The following SPAG16 variants were observed in gnomAD, a reference collection of about 807,000 sequenced individuals.
SPAG16 encodes sperm-associated antigen 16 protein.
In SPAG16, 86 loss-of-function variants were observed where a neutral mutation model predicts 80.4. The ratio of observed to expected loss-of-function variants is 1.07; its 90% confidence interval spans 0.90 to 1.28. The LOEUF (loss-of-function observed/expected upper bound fraction) is 1.28. Among genes scored for constraint, SPAG16 ranks in the 50% most tolerant of loss-of-function variants. SPAG16 has a pLI of 0.00. For synonymous variants in SPAG16, 294 were observed against 265.9 expected, an observed-to-expected ratio of 1.11 and a Z score of -1.03; for missense variants, 870 against 765.3, an observed-to-expected ratio of 1.14 and a Z score of -1.61.
chr2:214,255,394 C>T (rs1223133717), intron 15 of SPAG16, among the ~76,000 whole-genome samples: 1 of 151,928 alleles, frequency 6.6e-6, no homozygotes, highest in Non-Finnish European at 1.5e-5. Context: ...GCTGAGTAGC[C>T]ATCTCCCACC....
chr2:213,961,936 G>C (rs2044455193), intron 12 of SPAG16, among the ~76,000 whole-genome samples: 1 of 151,842 alleles, frequency 6.6e-6, no homozygotes, highest in Non-Finnish European at 1.5e-5. Context: ...GTATTTTTTG[G>C]AAAGTTTCTG....
intron 12 of SPAG16, among the ~76,000 whole-genome samples, chr2:213,993,598 C>T (rs1017765727): frequency 7.2e-5 from 11 of 152,060 alleles, no homozygotes; most frequent in African/African-American, 2.7e-4. Flanking sequence ...AATACTGACT[C>T]CATAAATATC....
At chr2:213,763,172 T>G (rs941387379) in intron 10 of SPAG16, among the ~76,000 whole-genome samples, 4 of 152,120 alleles carry the variant, frequency 2.6e-5, no homozygotes, top group African/African-American at 9.7e-5. Flanking sequence ...CCTTGAGTTG[T>G]GTTAGTGTGA....
intron 13 of SPAG16, among the ~76,000 whole-genome samples, chr2:214,022,347 G>T (rs1436775716): frequency 5.3e-5 from 8 of 151,980 alleles, no homozygotes; most frequent in African/African-American, 1.9e-4. Flanking sequence ...CATTCTGCCT[G>T]GATTCAAACC....
intron 9 of SPAG16, among the ~76,000 whole-genome samples, chr2:213,398,683 A>G (rs533793457): frequency 6.6e-6 from 1 of 152,208 alleles, no homozygotes; most frequent in South Asian, 2.1e-4. Flanking sequence ...CCTCTAATTC[A>G]CTGGCACTTC....
At chr2:213,696,716 A>C (rs1209531537) in intron 10 of SPAG16, among the ~76,000 whole-genome samples, 1 of 152,196 alleles carries the variant, frequency 6.6e-6, no homozygotes, top group Non-Finnish European at 1.5e-5. Flanking sequence ...TAAAACTGTG[A>C]AATAGCTGTT....
intron 10 of SPAG16, among the ~76,000 whole-genome samples, chr2:213,522,171 C>T (rs951604860): frequency 6.6e-6 from 1 of 152,130 alleles, no homozygotes; most frequent in Admixed American, 6.5e-5. Flanking sequence ...AGAAATTGTT[C>T]CAGGTCCTGA....
chr2:214,173,913 G>A (rs1196557768), intron 15 of SPAG16, among the ~76,000 whole-genome samples: 1 of 151,886 alleles, frequency 6.6e-6, no homozygotes, highest in East Asian at 1.9e-4. Context: ...ATGCAAGGCT[G>A]GTTCAATATA....
At chr2:214,332,720 C>T (rs574557008) in intron 15 of SPAG16, among the ~76,000 whole-genome samples, 1 of 152,206 alleles carries the variant, frequency 6.6e-6, no homozygotes, top group South Asian at 2.1e-4. Context: ...GAGACTACCA[C>T]GCTCCATCTT....
chr2:213,474,162 T>G (rs1575685006), intron 9 of SPAG16, among the ~76,000 whole-genome samples: 1 of 152,346 alleles, frequency 6.6e-6, no homozygotes, highest in East Asian at 1.9e-4. Context: ...ATCAGCATCC[T>G]TCCACATGTT....
intron 14 of SPAG16, among the ~76,000 whole-genome samples, chr2:214,133,106 TAAAAA>T (rs35016109): frequency 1.6e-4 from 20 of 126,908 alleles, no homozygotes; most frequent in African/African-American, 4.2e-4. Flanking sequence ...TAAAATAAAA[TAAAAA>T]AAATAAATAA....
chr2:213,758,637 A>G (rs759346764), intron 10 of SPAG16, among the ~76,000 whole-genome samples: 1 of 152,156 alleles, frequency 6.6e-6, no homozygotes, highest in Non-Finnish European at 1.5e-5. Flanking sequence ...GACAATGGAA[A>G]TCAAGGAACA....
intron 15 of SPAG16, among the ~76,000 whole-genome samples, chr2:214,253,218 G>A (rs1442424261): frequency 6.6e-6 from 1 of 151,408 alleles, no homozygotes; most frequent in African/African-American, 2.4e-5. Flanking sequence ...TTGTCCAATG[G>A]GTAGATTGAA....
intron 11 of SPAG16, among the ~76,000 whole-genome samples, chr2:213,927,198 A>G (rs1288607442): frequency 6.6e-6 from 1 of 152,116 alleles, no homozygotes; most frequent in South Asian, 2.1e-4. Context: ...GTCTAAACCT[A>G]GTTATTTCTC....
intron 10 of SPAG16, among the ~76,000 whole-genome samples, chr2:213,625,587 TC>T (rs1420056484): frequency 6.6e-6 from 1 of 152,224 alleles, no homozygotes; most frequent in Non-Finnish European, 1.5e-5. Context: ...TTTTTTTATG[TC>T]TTATTTAAGA....
chr2:214,345,737 A>G (rs1430951538), intron 15 of SPAG16, among the ~76,000 whole-genome samples: 1 of 152,092 alleles, frequency 6.6e-6, no homozygotes, highest in Non-Finnish European at 1.5e-5. Context: ...CACTATGCTG[A>G]CTGATAACAC....
intron 9 of SPAG16, among the ~76,000 whole-genome samples, chr2:213,435,806 G>T (rs1005837930): frequency 1.3e-5 from 2 of 152,114 alleles, no homozygotes; most frequent in East Asian, 3.8e-4. Context: ...AAATAACGTA[G>T]ACATAAAATA....
intron 5 of SPAG16, among the ~76,000 whole-genome samples, chr2:213,334,168 C>G (rs1378361723): frequency 6.6e-6 from 1 of 152,128 alleles, no homozygotes; most frequent in African/African-American, 2.4e-5. Flanking sequence ...ACAGACTTTT[C>G]TCTAAAGACA....
chr2:214,218,262 G>A (rs1228220980), intron 15 of SPAG16, among the ~76,000 whole-genome samples: 1 of 152,176 alleles, frequency 6.6e-6, no homozygotes, highest in Non-Finnish European at 1.5e-5. Context: ...TTGGAAAAGG[G>A]ACGGCCTCGA....
Sources: allele counts gnomAD v4.1 joint callset (sites outside exome capture counted in the v4.1 genomes callset), GRCh38; gene constraint gnomAD v4.1.1; transcripts MANE v1.5; gene names NCBI Gene and HGNC (gene_info 2026-07-23, HGNC 2026-07-21).